The following KCNN2 variants were observed in gnomAD, a reference collection of about 807,000 sequenced individuals.
KCNN2 encodes the protein small conductance calcium-activated potassium channel protein 2.
In KCNN2, 24 loss-of-function variants were observed where a neutral mutation model predicts 55.5. The observed-to-expected ratio is 0.43, with a 90% CI of 0.31 to 0.61. KCNN2 has a LOEUF of 0.61. Ranked by LOEUF, KCNN2 falls within the 20% of genes least tolerant of loss-of-function variation. The probability of loss-of-function intolerance (pLI) is 0.08; values close to 1 mark genes in which losing one functional copy is unlikely to be tolerated. For missense variants in KCNN2, 754 were observed against 853.6 expected (o/e 0.88, Z 1.45); for synonymous variants, 431 against 336.1 (o/e 1.28, Z -3.09).
chr5:114,092,822 A>G (rs543580727), intron 1 of KCNN2, among the ~76,000 whole-genome samples: 8 of 152,264 alleles, frequency 5.3e-5, no homozygotes, highest in African/African-American at 1.9e-4. Flanking sequence ...GTTGCAGGAC[A>G]CCAAATCTCG....
At chr5:114,069,906 T>A (rs539206760) in intron 1 of KCNN2, among the ~76,000 whole-genome samples, 1 of 152,310 alleles carries the variant, frequency 6.6e-6, no homozygotes, top group African/African-American at 2.4e-5. Context: ...AGGATACAGG[T>A]AAGAGGACAT....
intron 3 of KCNN2, among the ~76,000 whole-genome samples, chr5:114,447,540 TG>T (rs771748281): frequency 2.0e-5 from 3 of 152,230 alleles, no homozygotes; most frequent in Non-Finnish European, 4.4e-5. Flanking sequence ...CTCAAGCTCA[TG>T]GGTCTGTTTG....
intron 1 of KCNN2, among the ~76,000 whole-genome samples, chr5:114,190,823 G>C (rs1196478987): frequency 1.3e-5 from 2 of 152,166 alleles, no homozygotes; most frequent in Non-Finnish European, 2.9e-5. Context: ...GAGTGGAATA[G>C]CTATGGTACT....
chr5:114,431,765 T>G (rs541639474), intron 3 of KCNN2, among the ~76,000 whole-genome samples: 73 of 152,322 alleles, frequency 4.8e-4, no homozygotes, highest in African/African-American at 1.7e-3. Context: ...TCACAAATTT[T>G]GATACATTGT....
intron 1 of KCNN2, among the ~76,000 whole-genome samples, chr5:114,363,592 C>T (rs1420185318): frequency 1.3e-5 from 2 of 152,188 alleles, no homozygotes; most frequent in Admixed American, 1.3e-4. Context: ...TTTCAACCCG[C>T]TCTCTTGAAC....
chr5:114,237,292 TCACA>T (rs1301253857), intron 2 of KCNN2, among the ~76,000 whole-genome samples: 3 of 92,074 alleles, frequency 3.3e-5, no homozygotes, highest in South Asian at 7.8e-4. Flanking sequence ...ACACACACAC[TCACA>T]CACACACTCA....
chr5:114,220,659 T>TA (rs966335908), intron 1 of KCNN2, among the ~76,000 whole-genome samples: 1 of 152,046 alleles, frequency 6.6e-6, no homozygotes, highest in African/African-American at 2.4e-5. Flanking sequence ...ATGGTCATTT[T>TA]AAAATTAACA....
At chr5:114,180,717 A>C (rs1753221403) in intron 1 of KCNN2, among the ~76,000 whole-genome samples, 1 of 152,090 alleles carries the variant, frequency 6.6e-6, no homozygotes, top group Non-Finnish European at 1.5e-5. Context: ...TCTGTGTCAA[A>C]CCACCCAAAC....
intron 2 of KCNN2, among the ~76,000 whole-genome samples, chr5:114,224,352 A>G (rs1754201110): frequency 6.6e-6 from 1 of 152,284 alleles, no homozygotes; most frequent in East Asian, 1.9e-4. Context: ...CATTTTTTAG[A>G]AAATATTTTT....
At chr5:114,128,793 T>G (rs1249060044) in intron 1 of KCNN2, among the ~76,000 whole-genome samples, 2 of 152,194 alleles carry the variant, frequency 1.3e-5, no homozygotes, top group Non-Finnish European at 1.5e-5. Flanking sequence ...AAAAAAATCC[T>G]AAAGACAATT....
intron 2 of KCNN2, among the ~76,000 whole-genome samples, chr5:114,352,459 G>C (rs919916822): frequency 1.2e-5 from 1 of 81,118 alleles, no homozygotes; most frequent in Non-Finnish European, 2.7e-5. Flanking sequence ...CTTCTGCCTT[G>C]TTCTCTTCTT....
At chr5:114,407,860 C>T (rs1409106023) in intron 3 of KCNN2, among the ~76,000 whole-genome samples, 3 of 152,142 alleles carry the variant, frequency 2.0e-5, no homozygotes, top group African/African-American at 4.8e-5. Flanking sequence ...TGTCTGATGC[C>T]CTGCAGTAGG....
intron 2 of KCNN2, among the ~76,000 whole-genome samples, chr5:114,378,330 A>G (rs1290859623): frequency 6.6e-6 from 1 of 152,156 alleles, no homozygotes; most frequent in Non-Finnish European, 1.5e-5. Flanking sequence ...TTACAGAAAA[A>G]GTTTGCCAGC....
At chr5:114,109,978 C>T (rs939809270) in intron 1 of KCNN2, among the ~76,000 whole-genome samples, 1 of 151,958 alleles carries the variant, frequency 6.6e-6, no homozygotes, top group Non-Finnish European at 1.5e-5. Flanking sequence ...CATGAGGGCT[C>T]CTCCCCTCAT....
chr5:114,331,330 G>T (rs1426329591), intron 2 of KCNN2, among the ~76,000 whole-genome samples: 2 of 152,182 alleles, frequency 1.3e-5, no homozygotes, highest in African/African-American at 4.8e-5. Context: ...AGGGGTTGCT[G>T]CTCTATGAAA....
chr5:114,325,030 C>A (rs142397987), intron 2 of KCNN2, among the ~76,000 whole-genome samples: 3 of 152,130 alleles, frequency 2.0e-5, no homozygotes, highest in African/African-American at 7.2e-5. Flanking sequence ...TTATTGCAAG[C>A]TGAAGGAAAG....
At chr5:114,088,596 T>G (rs930610316) in intron 1 of KCNN2, among the ~76,000 whole-genome samples, 1 of 152,054 alleles carries the variant, frequency 6.6e-6, no homozygotes, top group African/African-American at 2.4e-5. Context: ...CGAGTGTATT[T>G]TTATTTTTGT....
intron 5 of KCNN2, chr5:114,486,752 C>T (rs1458789785): frequency 1.5e-6 from 2 of 1,299,072 alleles, no homozygotes; most frequent in Non-Finnish European, 2.0e-6. Flanking sequence ...AACTCAACAC[C>T]CCTTGATTAA....
intron 3 of KCNN2, among the ~76,000 whole-genome samples, chr5:114,417,676 C>G (rs961236402): frequency 2.0e-5 from 3 of 152,064 alleles, no homozygotes; most frequent in African/African-American, 7.2e-5. Context: ...GGAAAAGAAC[C>G]AGGGGGACTG....
Sources: gnomAD v4.1 joint callset for allele counts (sites outside exome capture counted in the v4.1 genomes callset) on GRCh38, gnomAD v4.1.1 for gene constraint, MANE v1.5 for transcripts, NCBI Gene and HGNC (gene_info 2026-07-23, HGNC 2026-07-21) for gene names.